The following SLC8A1 variants were observed in gnomAD, a reference collection of about 807,000 sequenced individuals.
The protein encoded by SLC8A1 is sodium/calcium exchanger 1.
Under a neutral mutation model 68.3 loss-of-function variants are expected in SLC8A1, and 18 were observed. That is an observed-to-expected ratio of 0.26 (90% confidence interval 0.18 to 0.39). The LOEUF (loss-of-function observed/expected upper bound fraction) is 0.39, where lower values mean the gene tolerates loss of function less well. SLC8A1 is among the 10% of genes least tolerant of loss of function. The probability of loss-of-function intolerance (pLI) is 1.00; values close to 1 mark genes in which losing one functional copy is unlikely to be tolerated. For missense variants in SLC8A1, 985 were observed against 1,156.7 expected, an observed-to-expected ratio of 0.85 and a Z score of 2.15; for synonymous variants, 475 against 415.5, an observed-to-expected ratio of 1.14 and a Z score of -1.74.
intron 1 of SLC8A1, among the ~76,000 whole-genome samples, chr2:40,436,556 T>C (rs1441931962): frequency 6.6e-6 from 1 of 152,102 alleles, no homozygotes; most frequent in Non-Finnish European, 1.5e-5. Context: ...TCTTCCAGCA[T>C]CAGCCCTGGC....
intron 2 of SLC8A1, among the ~76,000 whole-genome samples, chr2:40,373,137 G>C (rs1678696216): frequency 6.7e-6 from 1 of 148,628 alleles, no homozygotes; most frequent in Non-Finnish European, 1.5e-5. Flanking sequence ...TGCCTTGAAG[G>C]ATGTCTCTTT....
intron 1 of SLC8A1, among the ~76,000 whole-genome samples, chr2:40,460,338 A>G (rs1365097347): frequency 6.6e-6 from 1 of 152,210 alleles, no homozygotes; most frequent in East Asian, 1.9e-4. Context: ...AGATAGATCA[A>G]TAAATATCTG....
At position 40,398,578 on chromosome 2, in the gene SLC8A1, A is replaced by G. The variant is rs564432342; in HGVS notation, c.1808+29895T>C. On this transcript the variant is annotated intron_variant, in intron 2 of 7. Transcript: ENST00000406785. ...ATTTTCAAATAAATTTCCTACGTAC[A>G]TATTTTATTTTTATAAAAATGCAAT... Among the ~76,000 whole-genome samples the G allele has an allele frequency of 4.6e-5, 7 of 152,318 alleles. No homozygotes were observed. In the East Asian group the frequency reaches 1.2e-3, roughly 25 times the overall value.
At chr2:40,113,777 A>T (rs2034877848) in exon 8 of SLC8A1, 1 of 152,840 alleles carries the variant, frequency 6.5e-6, no homozygotes, top group South Asian at 2.1e-4. Context: ...CACATCCAAC[A>T]TATCAACGTC....
chr2:40,415,754 G>C (rs1040943453), intron 2 of SLC8A1, among the ~76,000 whole-genome samples: 3 of 151,716 alleles, frequency 2.0e-5, no homozygotes, highest in Non-Finnish European at 2.9e-5. Context: ...GAGGTGGGTG[G>C]GTCACCTGAG....
At chr2:40,237,189 C>T (rs1014792395) in intron 2 of SLC8A1, among the ~76,000 whole-genome samples, 2 of 152,190 alleles carry the variant, frequency 1.3e-5, no homozygotes, top group Non-Finnish European at 2.9e-5. Context: ...GGATAATATC[C>T]TGCAGCTTGT....
chr2:40,256,797 T>C (rs750178502), intron 2 of SLC8A1, among the ~76,000 whole-genome samples: 4 of 152,184 alleles, frequency 2.6e-5, no homozygotes, highest in Non-Finnish European at 5.9e-5. Flanking sequence ...CCAAGGGTAC[T>C]TCCTGCATCC....
chr2:40,126,685 A>C (rs898162496), intron 7 of SLC8A1, among the ~76,000 whole-genome samples: 28 of 152,316 alleles, frequency 1.8e-4, no homozygotes, highest in Middle Eastern at 3.4e-3. Flanking sequence ...AGTAGTGTAC[A>C]AAGTCAAAGT....
intron 2 of SLC8A1, among the ~76,000 whole-genome samples, chr2:40,323,610 A>T (rs1000346988): frequency 6.6e-6 from 1 of 152,188 alleles, no homozygotes; most frequent in Non-Finnish European, 1.5e-5. Context: ...TGCAAAATTA[A>T]CAGAGTAGCA....
intron 7 of SLC8A1, among the ~76,000 whole-genome samples, chr2:40,135,277 G>A (rs185522462): frequency 1.2e-3 from 185 of 152,282 alleles, no homozygotes; most frequent in African/African-American, 3.3e-3. Context: ...CTGATTTACC[G>A]CTTAAGATGA....
At chr2:40,474,250 C>T (rs911638874) in intron 1 of SLC8A1, among the ~76,000 whole-genome samples, 4 of 152,142 alleles carry the variant, frequency 2.6e-5, no homozygotes, top group Non-Finnish European at 5.9e-5. Context: ...AACAGATTGT[C>T]TTCCCTGTGA....
chr2:40,357,655 C>T (rs374293853), intron 2 of SLC8A1, among the ~76,000 whole-genome samples: 4 of 152,098 alleles, frequency 2.6e-5, no homozygotes, highest in East Asian at 1.9e-4. Flanking sequence ...CAAACCTGCA[C>T]GTTCTGCACA....
intron 7 of SLC8A1, among the ~76,000 whole-genome samples, chr2:40,138,770 G>C (rs2041007860): frequency 6.6e-6 from 1 of 152,142 alleles, no homozygotes; most frequent in South Asian, 2.1e-4. Flanking sequence ...AGAAATATGA[G>C]TAAACATAAT....
At chr2:40,125,205 T>A (rs1050267091) in intron 7 of SLC8A1, among the ~76,000 whole-genome samples, 2 of 152,210 alleles carry the variant, frequency 1.3e-5, no homozygotes, top group Non-Finnish European at 2.9e-5. Flanking sequence ...TCAGCATTCA[T>A]AATTATGTTA....
At chr2:40,232,020 A>T (rs1035641270) in intron 2 of SLC8A1, among the ~76,000 whole-genome samples, 1 of 152,102 alleles carries the variant, frequency 6.6e-6, no homozygotes, top group Non-Finnish European at 1.5e-5. Flanking sequence ...ATCCAATAGA[A>T]TGGGGCTGTG....
chr2:40,212,432 A>T (rs1229458065), intron 2 of SLC8A1, among the ~76,000 whole-genome samples: 1 of 151,864 alleles, frequency 6.6e-6, no homozygotes, highest in African/African-American at 2.4e-5. Flanking sequence ...CTACAGGTGT[A>T]TGCCACCATA....
intron 2 of SLC8A1, among the ~76,000 whole-genome samples, chr2:40,389,642 C>T (rs1684660607): frequency 6.6e-6 from 1 of 151,936 alleles, no homozygotes; most frequent in South Asian, 2.1e-4. Flanking sequence ...AAATTACCCC[C>T]ATTCCCATGT....
intron 4 of SLC8A1, among the ~76,000 whole-genome samples, chr2:40,173,647 A>G (rs573270152): frequency 1.3e-5 from 2 of 152,340 alleles, no homozygotes; most frequent in East Asian, 3.9e-4. Flanking sequence ...AATTCCCAAC[A>G]TAGTATTTTC....
intron 2 of SLC8A1, among the ~76,000 whole-genome samples, chr2:40,377,017 G>T (rs1283911459): frequency 6.6e-6 from 1 of 152,006 alleles, no homozygotes; most frequent in South Asian, 2.1e-4. Flanking sequence ...AATAGAATAT[G>T]GCAAAGGTGA....
Sources: allele counts gnomAD v4.1 joint callset (sites outside exome capture counted in the v4.1 genomes callset), GRCh38; gene constraint gnomAD v4.1.1; transcripts MANE v1.5; gene names NCBI Gene and HGNC (gene_info 2026-07-23, HGNC 2026-07-21).